Variants in LYST observed in about 807,000 individuals in gnomAD.
The protein encoded by LYST is lysosomal trafficking regulator.
A neutral mutation model predicts 413.6 loss-of-function variants in LYST; 192 were observed. The ratio of observed to expected loss-of-function variants is 0.46; its 90% confidence interval spans 0.41 to 0.52. LYST has a LOEUF of 0.52. Among genes scored for constraint, LYST ranks in the 20% least tolerant of loss-of-function variants. The pLI is 0.00. For synonymous variants in LYST, 1,525 were observed against 1,567.3 expected (o/e 0.97, Z 0.64); for missense variants, 3,815 against 4,499.9 (o/e 0.85, Z 4.35).
At chr1:235,663,292 G>A (rs1033152457) in intron 52 of LYST, among the ~76,000 whole-genome samples, 3 of 152,128 alleles carry the variant, frequency 2.0e-5, no homozygotes, top group African/African-American at 7.2e-5. Flanking sequence ...CGGTGATATA[G>A]AATAAAATCA....
chr1:235,847,143 T>C (rs1033701273), intron 1 of LYST, among the ~76,000 whole-genome samples: 1 of 152,170 alleles, frequency 6.6e-6, no homozygotes, highest in African/African-American at 2.4e-5. Context: ...CCAGGTAGCC[T>C]ATAAAAGAAA....
exon 1 of LYST, chr1:235,883,336 T>C (rs181881771): frequency 5.9e-5 from 9 of 152,786 alleles, no homozygotes; most frequent in Non-Finnish European, 8.8e-5. Flanking sequence ...TCCTGGCTTC[T>C]GTTCAGCTGA....
chr1:235,682,245 A>C (rs970082156), intron 48 of LYST, among the ~76,000 whole-genome samples: 2 of 152,098 alleles, frequency 1.3e-5, no homozygotes, highest in African/African-American at 4.8e-5. Context: ...GGACCACTTG[A>C]GTCTGGGAGG....
rs965389240 is a variant in LYST, at chr1:235,673,623, C to T, written c.11038+3468G>A. Among the ~76,000 whole-genome samples, 6 of 152,166 alleles carry T rather than the reference C, an allele frequency of 3.9e-5. No individual in the cohort carries two copies. In the East Asian group the frequency reaches 1.2e-3, roughly 29 times the overall value. ...TACTCATCTCTATTACTATCCCTAC[C>T]TCTAGCAACTCTAACCCCACCTTAG... is the stretch of plus-strand genomic sequence containing the variant. On this transcript the variant is annotated intron_variant, in intron 50 of 52. Transcript: ENST00000389793.
chr1:235,663,266 G>A (rs1453528012), intron 52 of LYST, among the ~76,000 whole-genome samples, 188 bp from the exon 53 acceptor site: 1 of 152,202 alleles, frequency 6.6e-6, no homozygotes, highest in Non-Finnish European at 1.5e-5. Context: ...CTGACAAGTT[G>A]AGATGCTCAT....
At chr1:235,692,511 G>T (rs1420098507) in intron 47 of LYST, among the ~76,000 whole-genome samples, 1 of 151,832 alleles carries the variant, frequency 6.6e-6, no homozygotes, top group African/African-American at 2.4e-5. Context: ...CTCCTGAGTA[G>T]CTGGAATTAC....
At chr1:235,754,547 T>C (rs1435292955) in intron 25 of LYST, among the ~76,000 whole-genome samples, 1 of 149,848 alleles carries the variant, frequency 6.7e-6, no homozygotes, top group Non-Finnish European at 1.5e-5. Flanking sequence ...TCAGTTAATC[T>C]TCTCATGTTA....
intron 1 of LYST, among the ~76,000 whole-genome samples, chr1:235,858,290 A>T (rs1679444383): frequency 6.6e-6 from 1 of 152,218 alleles, no homozygotes; most frequent in Admixed American, 6.5e-5. Context: ...CCTCATCTGT[A>T]AAATGTTGAT....
intron 1 of LYST, among the ~76,000 whole-genome samples, chr1:235,858,400 A>G (rs891665296): frequency 5.3e-5 from 8 of 152,136 alleles, no homozygotes; most frequent in African/African-American, 1.9e-4. Context: ...TAATATTAAT[A>G]TTGTTATAAT....
chr1:235,805,894 G>A lies in LYST; in HGVS notation c.3242C>T (p.Thr1081Ile). 1 of 1,613,818 alleles carries A rather than the reference G, an allele frequency of 6.2e-7. No homozygotes were observed. Among genetic ancestry groups the A allele is most frequent in the Non-Finnish European group, 8.5e-7 (1 of 1,179,924 alleles). Residue 1081 changes from threonine (T) to isoleucine (I), a missense_variant, in exon 6 of 53, where the codon ACT becomes ATT. Physicochemically the swap from Thr to Ile is moderately conservative, Grantham distance 89 (BLOSUM62 -1). Around this residue, in one of 4 missense-constraint regions of LYST, gnomAD observed 1,648 missense variants for 1,810.3 expected, o/e 0.91. Transcript: ENST00000389793. ...SSINVEEVSA[T>I]EAAPEEAKLF... ...CTTTGCTTCCTCGGGAGCGGCTTCAGTAGCTGAAACTTCTTCCACATTTAT... is the reference window on the plus strand; with the variant it reads ...CTTTGCTTCCTCGGGAGCGGCTTCAATAGCTGAAACTTCTTCCACATTTAT...
chr1:235,746,912 G>C (rs1000342954), intron 28 of LYST, among the ~76,000 whole-genome samples: 1 of 152,080 alleles, frequency 6.6e-6, no homozygotes, highest in East Asian at 1.9e-4. Context: ...TAATTTTTTA[G>C]TAAGAATACT....
intron 12 of LYST, 149 bp downstream of exon 12, chr1:235,791,550 T>C (rs1670993417): frequency 5.6e-6 from 4 of 713,774 alleles, no homozygotes; most frequent in Non-Finnish European, 9.8e-6. Flanking sequence ...CATGCTTTGA[T>C]AAGTCAGGAC....
chr1:235,681,913 C>G (rs1411633480), intron 48 of LYST, among the ~76,000 whole-genome samples: 1 of 151,846 alleles, frequency 6.6e-6, no homozygotes, highest in Non-Finnish European at 1.5e-5. Flanking sequence ...ACTAGCTGTT[C>G]CAATGAATCA....
At chr1:235,801,156 T>C in intron 8 of LYST, 59 bp from the exon 9 acceptor site, 1 of 1,088,344 alleles carries the variant, frequency 9.2e-7, no homozygotes. Flanking sequence ...ATTTCAAACT[T>C]CATTAATCAT....
At position 235,864,220 on chromosome 1, in the gene LYST, C is replaced by G. The variant is rs1443935780; in HGVS notation, c.-98+2623G>C. On this transcript the variant is annotated intron_variant, in intron 1 of 52. Transcript: ENST00000389793. The stretch of plus-strand genomic sequence containing the variant: ...CTGCAGGGCCCCACTGCAGAGGTCT[C>G]TATACCTATTGAGATGGTTCTGAAT... Among the ~76,000 whole-genome samples, 6 of 152,168 alleles carry G rather than the reference C, an allele frequency of 3.9e-5. No homozygotes were observed. In the East Asian group the frequency reaches 1.2e-3, roughly 29 times the overall value.
At chr1:235,778,475 A>G (rs1387343924) in intron 16 of LYST, among the ~76,000 whole-genome samples, 1 of 151,940 alleles carries the variant, frequency 6.6e-6, no homozygotes, top group African/African-American at 2.4e-5. Flanking sequence ...CCCGGGTTCA[A>G]GCAATTCTCC....
At chr1:235,682,944 CT>C (rs1056761672) in intron 48 of LYST, among the ~76,000 whole-genome samples, 1 of 152,170 alleles carries the variant, frequency 6.6e-6, no homozygotes, top group African/African-American at 2.4e-5. Flanking sequence ...CAAGTTTGGT[CT>C]CCTTGGGCCA....
chr1:235,729,157 A>G (rs1342735188), intron 37 of LYST, among the ~76,000 whole-genome samples: 1 of 152,238 alleles, frequency 6.6e-6, no homozygotes, highest in African/African-American at 2.4e-5. Context: ...CTATATAGGT[A>G]TCTATGGACT....
In LYST at chr1:235,677,223, AT is replaced by A. The variant is rs771739483; in HGVS notation, c.10941-36del. On this transcript the variant is annotated intron_variant, in intron 49 of 52. Transcript: ENST00000389793. The stretch of plus-strand genomic sequence containing the variant: ...AAAAGACATGAATTTGTATATGATC[AT>A]TAAATATAATTACATTCTCTTATTT... 5 of 1,408,324 alleles carry A rather than the reference AT, an allele frequency of 3.6e-6. No homozygotes were observed. In the African/African-American group the frequency reaches 5.7e-5, roughly 16 times the overall value. 87.2% of individuals were successfully genotyped at this position (1,408,324 alleles called of 1,614,324 possible).
Sources: allele counts gnomAD v4.1 joint callset (sites outside exome capture counted in the v4.1 genomes callset), GRCh38; gene constraint gnomAD v4.1.1; regional missense constraint gnomAD v4.1.1; transcripts MANE v1.5; gene names NCBI Gene and HGNC (gene_info 2026-07-23, HGNC 2026-07-21).